Variants in PTPRG observed in about 807,000 individuals in gnomAD.
PTPRG encodes protein tyrosine phosphatase receptor type G.
In PTPRG, 102 loss-of-function variants were observed where a neutral mutation model predicts 165.3. The observed-to-expected ratio is 0.62, with a 90% CI of 0.53 to 0.73. The LOEUF (loss-of-function observed/expected upper bound fraction) is 0.73. Among genes scored for constraint, PTPRG ranks in the 30% least tolerant of loss-of-function variants. The pLI, the probability that PTPRG is intolerant of heterozygous loss-of-function variation, is 0.00. For synonymous variants in PTPRG, 675 were observed against 669.5 expected, an observed-to-expected ratio of 1.01 and a Z score of -0.13; for missense variants, 1,866 against 1,861.4, an observed-to-expected ratio of 1.00 and a Z score of -0.05.
chr3:62,290,401 A>G (rs937462908), intron 28 of PTPRG, among the ~76,000 whole-genome samples: 1 of 152,114 alleles, frequency 6.6e-6, no homozygotes, highest in African/African-American at 2.4e-5. Flanking sequence ...AGTCGGGTGG[A>G]AGGTCAGAGT....
At chr3:61,866,446 G>A (rs1238377578) in intron 2 of PTPRG, among the ~76,000 whole-genome samples, 1 of 152,050 alleles carries the variant, frequency 6.6e-6, no homozygotes, top group Non-Finnish European at 1.5e-5. Flanking sequence ...CTGTGGCTGA[G>A]AACCAGAAGG....
intron 2 of PTPRG, among the ~76,000 whole-genome samples, chr3:61,861,845 T>A (rs544209062): frequency 6.6e-6 from 1 of 152,354 alleles, no homozygotes; most frequent in South Asian, 2.1e-4. Context: ...TTTTCTGCCA[T>A]GCATCCCAAT....
intron 5 of PTPRG, among the ~76,000 whole-genome samples, chr3:62,079,162 C>T (rs1018061519): frequency 1.3e-5 from 2 of 152,184 alleles, no homozygotes; most frequent in African/African-American, 4.8e-5. Context: ...GAGGTGGAGC[C>T]ATTCTTGTTT....
At chr3:62,227,915 C>T (rs1262933143) in intron 13 of PTPRG, among the ~76,000 whole-genome samples, 1 of 152,200 alleles carries the variant, frequency 6.6e-6, no homozygotes. Context: ...CTGGCTTCTT[C>T]TGATAAACCG....
intron 2 of PTPRG, among the ~76,000 whole-genome samples, chr3:61,985,036 A>T: frequency 6.6e-6 from 1 of 152,210 alleles, no homozygotes; most frequent in Admixed American, 6.5e-5. Context: ...ATGTGGTCTC[A>T]CTGGGGATGT....
intron 1 of PTPRG, among the ~76,000 whole-genome samples, chr3:61,592,393 A>G (rs1700592193): frequency 6.6e-6 from 1 of 152,172 alleles, no homozygotes; most frequent in African/African-American, 2.4e-5. Flanking sequence ...TAAGTCAATC[A>G]GCATGAATAC....
chr3:61,685,542 A>G (rs2107133635), intron 1 of PTPRG, among the ~76,000 whole-genome samples: 1 of 152,312 alleles, frequency 6.6e-6, no homozygotes, highest in Admixed American at 6.5e-5. Flanking sequence ...AAACAGGCAG[A>G]CCCCAGTAGT....
intron 2 of PTPRG, among the ~76,000 whole-genome samples, chr3:61,824,550 G>C (rs1363562009): frequency 1.3e-5 from 2 of 152,042 alleles, no homozygotes; most frequent in African/African-American, 2.4e-5. Flanking sequence ...TGATTTCTCA[G>C]CAAGTATGGT....
chr3:62,139,303 A>G (rs1703834795), intron 6 of PTPRG, among the ~76,000 whole-genome samples: 1 of 152,044 alleles, frequency 6.6e-6, no homozygotes, highest in Admixed American at 6.5e-5. Context: ...CATCTCTACT[A>G]CAAAAATTAA....
intron 4 of PTPRG, among the ~76,000 whole-genome samples, chr3:62,062,890 G>A (rs1285515528): frequency 6.6e-6 from 1 of 152,136 alleles, no homozygotes; most frequent in African/African-American, 2.4e-5. Flanking sequence ...CTGAACTCAA[G>A]CTATCTGCCC....
intron 12 of PTPRG, among the ~76,000 whole-genome samples, chr3:62,206,661 A>G (rs1032038448): frequency 9.2e-5 from 14 of 152,104 alleles, no homozygotes; most frequent in Admixed American, 2.0e-4. Context: ...GGCCGAGTGC[A>G]GTGGCTCACT....
At chr3:62,000,959 A>G (rs6799081) in intron 3 of PTPRG, among the ~76,000 whole-genome samples, 14,845 of 152,244 alleles carry the variant, frequency 0.098, 1,241 homozygotes, top group African/African-American at 0.22. Flanking sequence ...TTGAACAGTG[A>G]TAGAAACTGA....
At position 62,037,894 on chromosome 3, in the gene PTPRG, A is replaced by G. The variant is rs1414689683; in HGVS notation, c.519+34397A>G. Among the ~76,000 whole-genome samples the G allele has an allele frequency of 6.6e-5, 10 of 152,102 alleles. No individual in the cohort carries two copies. In the South Asian group the frequency reaches 2.1e-3, roughly 32 times the overall value. The stretch of plus-strand genomic sequence containing the variant: ...GGCCCCACTGTCATGACCTCATCTA[A>G]CCCTAATTACTTCCCAAAGGTCTCA... On this transcript the variant is annotated intron_variant, in intron 4 of 29. Coordinates refer to ENST00000474889, the MANE Select transcript of PTPRG (RefSeq NM_002841.4).
intron 5 of PTPRG, among the ~76,000 whole-genome samples, chr3:62,099,381 A>G (rs749253641): frequency 3.3e-5 from 5 of 152,202 alleles, no homozygotes; most frequent in Non-Finnish European, 7.3e-5. Flanking sequence ...TTCTAAGAAA[A>G]TAGTTCAAAT....
chr3:61,849,231 G>T (rs894059564), intron 2 of PTPRG, among the ~76,000 whole-genome samples: 5 of 152,178 alleles, frequency 3.3e-5, no homozygotes, highest in Admixed American at 1.3e-4. Flanking sequence ...GTACAGGATG[G>T]AAATAGATAA....
intron 1 of PTPRG, among the ~76,000 whole-genome samples, chr3:61,675,475 C>T (rs1703187550): frequency 6.6e-6 from 1 of 151,932 alleles, no homozygotes; most frequent in Admixed American, 6.6e-5. Context: ...TAAAACATAT[C>T]AGCCAGAAAC....
At chr3:62,243,671 G>A (rs1309308608) in intron 14 of PTPRG, 136 bp from the exon 15 acceptor site, 3 of 531,124 alleles carry the variant, frequency 5.6e-6, no homozygotes, top group Non-Finnish European at 9.6e-6. Flanking sequence ...CTTGTATCTT[G>A]TTACTTTTAC....
chr3:61,662,330 A>G lies in PTPRG; in HGVS notation c.86-86548A>G, dbSNP rs565192530. 4.6e-5 allele frequency among the ~76,000 whole-genome samples: 7 copies of G among 152,282 alleles called. No individual in the cohort carries two copies. In the South Asian group the frequency reaches 1.4e-3, roughly 32 times the overall value. On this transcript the variant is annotated intron_variant, in intron 1 of 29. Coordinates refer to ENST00000474889, the MANE Select transcript of PTPRG (RefSeq NM_002841.4). ...AAGCCACCTGCCATGTTGTGAGGAC[A>G]CTCAAGCAGCCCTGTGGAGGGGCCT...
At position 62,203,778 on chromosome 3, in the gene PTPRG, T is replaced by C; in HGVS notation, c.1983T>C (p.Asp661=). 1 of 1,612,418 alleles carries C rather than the reference T, an allele frequency of 6.2e-7. No homozygotes were observed. Among genetic ancestry groups the C allele is most frequent in the Non-Finnish European group, 8.5e-7 (1 of 1,179,172 alleles). The change falls in exon 12 of 30, where the codon GAT becomes GAC. Residue 661 remains aspartate, a synonymous_variant. Transcript: ENST00000474889. This position sits in a 1 kb window ranked among gnomAD's most constrained non-coding sequence, Gnocchi z 6.4. ...CAGACCAGACGGGCGGAAGGAGGGA[T>C]GCCGGCCCAGGCCTGGACCCCGACA... ...VPTDQTGGRR[D]AGPGLDPDMV...
Sources: gnomAD v4.1 joint callset for allele counts (sites outside exome capture counted in the v4.1 genomes callset) on GRCh38, gnomAD v4.1.1 for gene constraint, Gnocchi (gnomAD v3.1) non-coding constraint, MANE v1.5 for transcripts, NCBI Gene and HGNC (gene_info 2026-07-23, HGNC 2026-07-21) for gene names.